TNFRSF10B: variants seen among roughly 807,000 people sequenced by gnomAD.
The protein encoded by TNFRSF10B is tumor necrosis factor receptor superfamily member 10B.
Under a neutral mutation model 41.4 loss-of-function variants are expected in TNFRSF10B, and 35 were observed. That is an observed-to-expected ratio of 0.85 (90% confidence interval 0.65 to 1.12). The LOEUF (loss-of-function observed/expected upper bound fraction) is 1.12. Among genes scored for constraint, TNFRSF10B ranks in the 50% most tolerant of loss-of-function variants. TNFRSF10B has a pLI of 0.00. For synonymous variants in TNFRSF10B, 230 were observed against 215.5 expected (o/e 1.07, Z -0.59); for missense variants, 584 against 552.7 (o/e 1.06, Z -0.57).
rs776931408 is a variant in TNFRSF10B, at chr8:23,022,078, G to A, written c.*593C>T. On this transcript the variant is annotated 3_prime_UTR_variant, in exon 9 of 9. Transcript: ENST00000276431. ...ATTCGAGACCACCCTGAGCAACATAGAGAGCCCCTATATCTAGACAAAATA... is the reference window on the plus strand; with the variant it reads ...ATTCGAGACCACCCTGAGCAACATAAAGAGCCCCTATATCTAGACAAAATA... The A allele has an allele frequency of 1.6e-5, 7 of 434,928 alleles. No homozygotes were observed. The highest frequency in any genetic ancestry group is 1.1e-4 in the South Asian group (7 of 61,174). The allele number at this position is 434,928 out of a possible 1,614,324, so 26.9% of individuals were successfully genotyped here.
intron 7 of TNFRSF10B, among the ~76,000 whole-genome samples, chr8:23,026,821 T>C (rs1397364997): frequency 1.3e-5 from 2 of 152,210 alleles, no homozygotes; most frequent in Non-Finnish European, 2.9e-5. Context: ...CACTGACTTC[T>C]GTTAGGAGCA....
At chr8:23,056,968 G>C (rs1337703060) in intron 1 of TNFRSF10B, among the ~76,000 whole-genome samples, 1 of 151,578 alleles carries the variant, frequency 6.6e-6, no homozygotes, top group Non-Finnish European at 1.5e-5. Context: ...AAGAGAATGA[G>C]TTTTCAGTAG....
intron 1 of TNFRSF10B, among the ~76,000 whole-genome samples, chr8:23,052,236 A>G (rs1812540936): frequency 6.6e-6 from 1 of 151,914 alleles, no homozygotes; most frequent in Non-Finnish European, 1.5e-5. Flanking sequence ...ATAAAAATAT[A>G]TCGTAGGAAA....
At position 23,020,434 on chromosome 8, in the gene TNFRSF10B, G is replaced by A. The variant is rs1311786460; in HGVS notation, c.*2237C>T. ...TAGCTTGGCCTGGCTGGTGGCTCAC[G>A]CCTGTAATCCCAGCACTTTCGGAGG... On this transcript the variant is annotated 3_prime_UTR_variant, in exon 9 of 9. Coordinates refer to ENST00000276431, the MANE Select transcript of TNFRSF10B (RefSeq NM_003842.5). The A allele has an allele frequency of 2.2e-6, 1 of 454,094 alleles. No individual in the cohort carries two copies. Among genetic ancestry groups the A allele is most frequent in the South Asian group, 1.6e-5 (1 of 64,476 alleles). The allele number at this position is 454,094 out of a possible 1,614,324, so 28.1% of individuals were successfully genotyped here. A position where few individuals can be genotyped will look rare whatever the true frequency, so the allele number is the denominator to read the frequency against.
chr8:23,061,087 T>A (rs1027975324), intron 1 of TNFRSF10B, among the ~76,000 whole-genome samples: 1 of 152,146 alleles, frequency 6.6e-6, no homozygotes, highest in Non-Finnish European at 1.5e-5. Context: ...ACTTAAGACA[T>A]CCTGATATCC....
chr8:23,035,215 C>G (rs1266096338), intron 2 of TNFRSF10B, among the ~76,000 whole-genome samples: 2 of 151,978 alleles, frequency 1.3e-5, no homozygotes, highest in Non-Finnish European at 1.5e-5. Flanking sequence ...GATCTCAGCT[C>G]ACTGCAACCT....
At chr8:23,052,826 A>G (rs1048249855) in intron 1 of TNFRSF10B, among the ~76,000 whole-genome samples, 53 of 152,316 alleles carry the variant, frequency 3.5e-4, no homozygotes, top group African/African-American at 1.2e-3. Flanking sequence ...AAAGTGTTCA[A>G]TTTATTTTGG....
intron 1 of TNFRSF10B, among the ~76,000 whole-genome samples, chr8:23,064,362 T>C (rs1812922682): frequency 6.6e-6 from 1 of 152,192 alleles, no homozygotes; most frequent in African/African-American, 2.4e-5. Flanking sequence ...TGAAATAATA[T>C]AGATCCATTC....
chr8:23,025,788 T>C (rs184457637), intron 7 of TNFRSF10B, among the ~76,000 whole-genome samples: 146 of 152,248 alleles, frequency 9.6e-4, no homozygotes, highest in African/African-American at 3.4e-3. Context: ...TTTCAAAAAA[T>C]GATCAGGCCA....
chr8:23,060,399 C>T (rs910981370), intron 1 of TNFRSF10B, among the ~76,000 whole-genome samples: 2 of 152,196 alleles, frequency 1.3e-5, no homozygotes, highest in Admixed American at 6.5e-5. Flanking sequence ...AAAGACGGCC[C>T]TTTCCTCCAT....
chr8:23,034,023 C>T (rs1019134493), intron 2 of TNFRSF10B, among the ~76,000 whole-genome samples: 9 of 152,118 alleles, frequency 5.9e-5, no homozygotes, highest in African/African-American at 2.2e-4. Context: ...TATTATGGTA[C>T]ATTTGGTTTG....
At chr8:23,049,959 A>G (rs1350801189) in intron 1 of TNFRSF10B, 1 of 152,296 alleles carries the variant, frequency 6.6e-6, no homozygotes, top group African/African-American at 2.4e-5. Context: ...GACAGTCTTC[A>G]GGAGGATCCC....
chr8:23,059,942 T>C (rs1376720283), intron 1 of TNFRSF10B, among the ~76,000 whole-genome samples: 2 of 152,230 alleles, frequency 1.3e-5, no homozygotes, highest in Non-Finnish European at 2.9e-5. Context: ...GTATATTTGC[T>C]TTGGAGAAAT....
At chr8:23,023,843 A>G (rs1044947353) in intron 8 of TNFRSF10B, among the ~76,000 whole-genome samples, 1 of 152,176 alleles carries the variant, frequency 6.6e-6, no homozygotes, top group African/African-American at 2.4e-5. Flanking sequence ...ACAGGTCAAG[A>G]GCTCCTTAGC....
At chr8:23,066,904 A>T (rs1295346700) in intron 1 of TNFRSF10B, among the ~76,000 whole-genome samples, 2 of 148,410 alleles carry the variant, frequency 1.3e-5, no homozygotes, top group African/African-American at 5.3e-5. Context: ...TCTCAAAACA[A>T]ACAAACAAAC....
chr8:23,029,526 G>C, intron 4 of TNFRSF10B, 84 bp downstream of exon 4: 1 of 1,372,606 alleles, frequency 7.3e-7, no homozygotes, highest in Non-Finnish European at 1.0e-6. Context: ...TGCGGGTGCT[G>C]TCAGGGGAGA....
chr8:23,049,014 T>A (rs1031112297), intron 1 of TNFRSF10B, among the ~76,000 whole-genome samples: 2 of 152,176 alleles, frequency 1.3e-5, no homozygotes, highest in African/African-American at 2.4e-5. Context: ...CATGAAAAGA[T>A]GCTCACCACC....
rs1563303859 is a variant in TNFRSF10B, at chr8:23,022,757, G to A, written c.1237C>T (p.Leu413Phe). The change falls in exon 9 of 9, where the codon CTT (leucine) becomes TTT (phenylalanine). Residue 413 changes from leucine (L) to phenylalanine (F), a missense_variant. Coordinates refer to ENST00000276431, the MANE Select transcript of TNFRSF10B (RefSeq NM_003842.5). ...TGGTCCTCAATCTTCTGCTTGGCAAGTCTCTCTCCCAGCGTCTCCAAGGCA... is the reference window on the plus strand; with the variant it reads ...TGGTCCTCAATCTTCTGCTTGGCAAATCTCTCTCCCAGCGTCTCCAAGGCA... ...LDALETLGER[L>F]AKQKIEDHLL... 4.3e-6 allele frequency: 7 copies of A among 1,613,994 alleles called. No homozygotes were observed. In the African/African-American group the frequency reaches 5.3e-5, roughly 12 times the overall value.
chr8:23,042,920 C>G (rs1812247175), intron 2 of TNFRSF10B: 5 of 526,548 alleles, frequency 9.5e-6, no homozygotes, highest in Non-Finnish European at 1.7e-5. Flanking sequence ...CCACTCAATT[C>G]TCTCTCAAGG....
Sources: gnomAD v4.1 joint callset for allele counts (sites outside exome capture counted in the v4.1 genomes callset) on GRCh38, gnomAD v4.1.1 for gene constraint, MANE v1.5 for transcripts, NCBI Gene and HGNC (gene_info 2026-07-23, HGNC 2026-07-21) for gene names.